GBX1: variants seen among roughly 807,000 people sequenced by gnomAD.
GBX1 encodes the protein homeobox protein GBX-1.
GBX1 carries 9 observed loss-of-function variants against 22.9 expected under a neutral mutation model. That is an observed-to-expected ratio of 0.39 (90% confidence interval 0.24 to 0.69). The LOEUF (loss-of-function observed/expected upper bound fraction) is 0.69, where lower values mean the gene tolerates loss of function less well. GBX1 is among the 30% of genes least tolerant of loss of function. GBX1 has a pLI of 0.43. For synonymous variants in GBX1, 203 were observed against 227.3 expected (o/e 0.89, Z 0.96); for missense variants, 494 against 509.2 (o/e 0.97, Z 0.29).
chr7:151,154,187 G>C (rs566945272), intron 1 of GBX1, among the ~76,000 whole-genome samples: 3 of 152,066 alleles, frequency 2.0e-5, no homozygotes, highest in Admixed American at 6.6e-5. Context: ...CTCCAGCCTG[G>C]GCGACAGAGT....
At chr7:151,163,630 C>T (rs1178971339) in intron 1 of GBX1, among the ~76,000 whole-genome samples, 1 of 152,072 alleles carries the variant, frequency 6.6e-6, no homozygotes, top group African/African-American at 2.4e-5. Context: ...TTTTGGACAT[C>T]TTGAGTTAAA....
At chr7:151,156,321 G>A (rs1171003607) in intron 1 of GBX1, among the ~76,000 whole-genome samples, 2 of 142,794 alleles carry the variant, frequency 1.4e-5, no homozygotes, top group African/African-American at 2.6e-5. Context: ...TGAGAGCGGA[G>A]GTTGCAGTAA....
intron 1 of GBX1, among the ~76,000 whole-genome samples, chr7:151,153,778 G>A (rs997736876): frequency 5.9e-5 from 9 of 151,884 alleles, no homozygotes; most frequent in South Asian, 2.1e-4. Flanking sequence ...GCCCAGGCTG[G>A]TCTCAAACTT....
chr7:151,148,665 A>G lies in GBX1; in HGVS notation c.1016T>C (p.Val339Ala). 1 of 1,613,986 alleles carries G rather than the reference A, an allele frequency of 6.2e-7. No individual in the cohort carries two copies. The highest frequency in any genetic ancestry group is 8.5e-7 in the Non-Finnish European group (1 of 1,179,986). The change falls in exon 2 of 2, where the codon GTC (valine) becomes GCC (alanine). Residue 339 changes from valine (V) to alanine (A), a missense_variant. Physicochemically the swap from Val to Ala is moderately conservative, Grantham distance 64 (BLOSUM62 0). This residue lies in a region of GBX1 where 124 missense variants were observed against 152.0 expected (regional missense o/e 0.82). Transcript: ENST00000297537. The surrounding 1 kb of genome is among the most constrained non-coding windows in gnomAD (Gnocchi z 5.1). ...GEPVRNPKIV[V>A]PIPVHVNRFA... ...CCTGTTGACATGCACAGGTATGGGG[A>G]CAACAATCTTGGGGTTTCTTACGGG... is the stretch of plus-strand genomic sequence containing the variant.
chr7:151,161,525 A>G (rs1294267567), intron 1 of GBX1, among the ~76,000 whole-genome samples: 1 of 152,236 alleles, frequency 6.6e-6, no homozygotes, highest in African/African-American at 2.4e-5. Context: ...ACTTTCTAGA[A>G]TAATGCTTTT....
At chr7:151,162,731 A>C (rs942191212) in intron 1 of GBX1, among the ~76,000 whole-genome samples, 13 of 151,784 alleles carry the variant, frequency 8.6e-5, no homozygotes, top group Non-Finnish European at 5.9e-5. Context: ...TTTTGCATTC[A>C]GGCAATCCAA....
intron 1 of GBX1, among the ~76,000 whole-genome samples, chr7:151,151,343 T>G (rs1429314524): frequency 1.3e-5 from 2 of 152,184 alleles, no homozygotes; most frequent in East Asian, 3.9e-4. Context: ...CTGTAGCTAA[T>G]TCGCCCCTCA....
chr7:151,166,406 C>T (rs571583130), intron 1 of GBX1, among the ~76,000 whole-genome samples: 1 of 151,620 alleles, frequency 6.6e-6, no homozygotes, highest in Non-Finnish European at 1.5e-5. Context: ...TTCTCTTTGG[C>T]CCCCTACTCA....
chr7:151,158,980 G>A (rs1801164538), intron 1 of GBX1, among the ~76,000 whole-genome samples: 1 of 152,136 alleles, frequency 6.6e-6, no homozygotes, highest in Non-Finnish European at 1.5e-5. Flanking sequence ...CAAAGAAAGT[G>A]CGCCACCAAC....
intron 1 of GBX1, among the ~76,000 whole-genome samples, chr7:151,152,224 T>A (rs1801088220): frequency 6.6e-6 from 1 of 152,138 alleles, no homozygotes; most frequent in African/African-American, 2.4e-5. Context: ...GTGCTCCCCG[T>A]CTTTCTTTCC....
intron 1 of GBX1, among the ~76,000 whole-genome samples, chr7:151,154,628 A>C (rs1399778338): frequency 6.6e-6 from 1 of 152,218 alleles, no homozygotes; most frequent in Non-Finnish European, 1.5e-5. Context: ...CTCCTGGTGG[A>C]TGCTATTATC....
intron 1 of GBX1, among the ~76,000 whole-genome samples, chr7:151,157,733 G>A (rs1330093725): frequency 6.6e-6 from 1 of 152,044 alleles, no homozygotes; most frequent in Non-Finnish European, 1.5e-5. Flanking sequence ...CTACTTGGTG[G>A]GACTGTCAAC....
At chr7:151,150,102 A>G in intron 1 of GBX1, 1 of 350,886 alleles carries the variant, frequency 2.8e-6, no homozygotes, top group East Asian at 8.5e-5. Context: ...GGTAAAAAAG[A>G]AATTTTGATT....
intron 1 of GBX1, among the ~76,000 whole-genome samples, chr7:151,161,201 A>T (rs1042821322): frequency 3.3e-5 from 5 of 152,066 alleles, no homozygotes; most frequent in Admixed American, 2.0e-4. Context: ...TATTTCCCCC[A>T]TTATTCCAAA....
chr7:151,166,635 T>C (rs903744059), intron 1 of GBX1, among the ~76,000 whole-genome samples: 6 of 152,044 alleles, frequency 3.9e-5, no homozygotes, highest in Non-Finnish European at 5.9e-5. Context: ...TACCCCCATC[T>C]TGGTGCCCCC....
chr7:151,164,039 A>G (rs927973680), intron 1 of GBX1, among the ~76,000 whole-genome samples: 7 of 150,374 alleles, frequency 4.7e-5, no homozygotes, highest in African/African-American at 1.7e-4. Context: ...AACTCTCAAC[A>G]AATTAAAAAA....
In GBX1 at chr7:151,148,581, G is replaced by A; in HGVS notation, c.*8C>T. 1.9e-6 allele frequency: 3 copies of A among 1,610,868 alleles called. No individual in the cohort carries two copies. The highest frequency in any genetic ancestry group is 1.7e-6 in the Non-Finnish European group (2 of 1,177,868). On this transcript the variant is annotated 3_prime_UTR_variant, in exon 2 of 2. Coordinates refer to ENST00000297537, the MANE Select transcript of GBX1 (RefSeq NM_001098834.3). The surrounding 1 kb of genome is among the most constrained non-coding windows in gnomAD (Gnocchi z 5.1). Reference sequence around the variant, plus strand: ...ATCCCTCGCCTTCCTAAGTTCTTGGGTGCCCATTCAGGGCCGGGCCCCCTG... The same window carrying A: ...ATCCCTCGCCTTCCTAAGTTCTTGGATGCCCATTCAGGGCCGGGCCCCCTG...
intron 1 of GBX1, among the ~76,000 whole-genome samples, chr7:151,151,568 C>G (rs1563547385): frequency 6.6e-6 from 1 of 152,122 alleles, no homozygotes; most frequent in Non-Finnish European, 1.5e-5. Flanking sequence ...CATCTTTATC[C>G]ACATCATCCC....
intron 1 of GBX1, among the ~76,000 whole-genome samples, chr7:151,149,449 AC>A (rs1801052664): frequency 6.9e-6 from 1 of 145,216 alleles, no homozygotes; most frequent in South Asian, 2.1e-4. Context: ...CTTCCCCACC[AC>A]CCCCATCTCA....
Sources: allele counts gnomAD v4.1 joint callset (sites outside exome capture counted in the v4.1 genomes callset), GRCh38; gene constraint gnomAD v4.1.1; regional missense constraint gnomAD v4.1.1; non-coding constraint Gnocchi (gnomAD v3.1); transcripts MANE v1.5; gene names NCBI Gene and HGNC (gene_info 2026-07-23, HGNC 2026-07-21).